Variants in MYRFL observed in about 807,000 individuals in gnomAD.
MYRFL encodes the protein myelin regulatory factor like.
A neutral mutation model predicts 109.4 loss-of-function variants in MYRFL; 88 were observed. The ratio of observed to expected loss-of-function variants is 0.80; its 90% CI spans 0.68 to 0.96. MYRFL has a LOEUF of 0.96. Ranked by LOEUF, MYRFL falls within the 40% of genes least tolerant of loss-of-function variation. The pLI, the probability that MYRFL is intolerant of heterozygous loss-of-function variation, is 0.00. For missense variants in MYRFL, 957 were observed against 954.9 expected, an observed-to-expected ratio of 1.00 and a Z score of -0.03; for synonymous variants, 324 against 320.9, an observed-to-expected ratio of 1.01 and a Z score of -0.10.
intron 13 of MYRFL, among the ~76,000 whole-genome samples, chr12:69,922,373 G>A (rs1016621127): frequency 3.3e-5 from 5 of 152,066 alleles, no homozygotes; most frequent in Non-Finnish European, 7.4e-5. Flanking sequence ...AGGAAAACCT[G>A]TACCAGGATT....
chr12:69,846,324 A>T (rs895000201), intron 1 of MYRFL, among the ~76,000 whole-genome samples: 33 of 150,548 alleles, frequency 2.2e-4, no homozygotes, highest in African/African-American at 9.8e-5. Context: ...TATCTCCTAA[A>T]GCTATCCCTC....
In MYRFL at chr12:69,879,428, C is replaced by T. The variant is rs780824743; in HGVS notation, c.439C>T (p.Gln147Ter). Residue 147 changes from glutamine to a stop codon, truncating the protein, a stop_gained, in exon 4 of 25, where the codon CAG (glutamine) becomes TAG (stop). Transcript: ENST00000552032. LOFTEE classifies it high-confidence loss of function. ...TCTGGGGATAGGTTGTTCTTACCCT[C>T]AGCAGCCTCTGTGTCACAGCCCTGG... ...SHLGIGCSYP[Q>*]QPLCHSPGAS... 1.4e-6 allele frequency: 1 copy of T among 702,696 alleles called. No homozygotes were observed. The highest frequency in any genetic ancestry group is 1.5e-5 in the South Asian group (1 of 67,578). The allele number at this position is 702,696 out of a possible 1,614,324, so 43.5% of individuals were successfully genotyped here.
intron 2 of MYRFL, among the ~76,000 whole-genome samples, chr12:69,865,983 A>G (rs1478898249): frequency 6.6e-6 from 1 of 152,148 alleles, no homozygotes; most frequent in Non-Finnish European, 1.5e-5. Context: ...CCAAATAGGT[A>G]TATTATCTGT....
chr12:69,860,734 CT>C (rs1160896103), intron 2 of MYRFL, among the ~76,000 whole-genome samples: 3 of 151,650 alleles, frequency 2.0e-5, no homozygotes, highest in Admixed American at 6.6e-5. Context: ...GATTTATTTT[CT>C]TTTTTTATTT....
intron 5 of MYRFL, among the ~76,000 whole-genome samples, chr12:69,880,990 C>T (rs1436443055): frequency 5.5e-5 from 6 of 109,462 alleles, no homozygotes; most frequent in Non-Finnish European, 1.1e-4. Context: ...ACGTGTAACA[C>T]ATCATGTTTT....
intron 5 of MYRFL, among the ~76,000 whole-genome samples, chr12:69,882,946 T>G (rs1355080672): frequency 1.3e-5 from 2 of 152,252 alleles, no homozygotes; most frequent in African/African-American, 4.8e-5. Context: ...CTTATTTTTC[T>G]TGATTATGAA....
Position 69,905,683 on chromosome 12 carries a change from C to G in MYRFL, c.1383+1839C>G, listed in dbSNP as rs78850463. ...TATTTTTTAGCCAGACAAGTCTAAG[C>G]AAAGAGAAATTATTTTCTATTTATA... On this transcript the variant is annotated intron_variant, in intron 11 of 24. Coordinates refer to ENST00000552032, the MANE Select transcript of MYRFL (RefSeq NM_182530.3). 2.4e-3 allele frequency among the ~76,000 whole-genome samples: 363 copies of G among 152,110 alleles called. 1 individual carries two copies. The highest frequency in any genetic ancestry group is 3.9e-3 in the Non-Finnish European group (268 of 67,980).
Position 69,958,621 on chromosome 12 carries a change from C to T in MYRFL, c.*90C>T. On this transcript the variant is annotated 3_prime_UTR_variant, in exon 25 of 25. Transcript: ENST00000552032. ...ATCCTCTTGCAACTTCTTTTTTCTT[C>T]TTTGTAAAACATTTACGTTTATTGC... 1 of 960,174 alleles carries T rather than the reference C, an allele frequency of 1.0e-6. No individual in the cohort carries two copies. The highest frequency in any genetic ancestry group is 1.5e-6 in the Non-Finnish European group (1 of 659,266). The allele number at this position is 960,174 out of a possible 1,614,324, so 59.5% of individuals were successfully genotyped here.
intron 13 of MYRFL, among the ~76,000 whole-genome samples, chr12:69,914,125 G>A (rs1954661743): frequency 6.6e-6 from 1 of 151,950 alleles, no homozygotes; most frequent in Non-Finnish European, 1.5e-5. Flanking sequence ...TAGAAATGCA[G>A]CTAATTTTTG....
Position 69,891,148 on chromosome 12 carries a change from G to A in MYRFL, c.885G>A (p.Leu295=). Reference sequence around the variant, plus strand: ...TAAAGCCAATAGAAATGTTTTACTTGAAAGTTTTTGGCACTAAGGTATGTC... The same window carrying A: ...TAAAGCCAATAGAAATGTTTTACTTAAAAGTTTTTGGCACTAAGGTATGTC... The part of the protein sequence containing the change: ...MGLKPIEMFY[L]KVFGTKVEAT... Residue 295 remains leucine, a synonymous_variant, in exon 7 of 25, where the codon TTG becomes TTA. Transcript: ENST00000552032. 2.0e-6 allele frequency: 3 copies of A among 1,517,406 alleles called. No homozygotes were observed. The highest frequency in any genetic ancestry group is 2.6e-6 in the Non-Finnish European group (3 of 1,139,838). 94.0% of individuals were successfully genotyped at this position (1,517,406 alleles called of 1,614,324 possible). A position where few individuals can be genotyped will look rare whatever the true frequency, so the allele number is the denominator to read the frequency against.
intron 1 of MYRFL, 115 bp from the exon 2 acceptor site, chr12:69,855,164 CT>C (rs1315315309): frequency 5.6e-6 from 3 of 533,498 alleles, no homozygotes; most frequent in Non-Finnish European, 1.0e-5. Context: ...GCTGTTGATC[CT>C]TGTGGATACA....
At chr12:69,955,827 T>C in intron 22 of MYRFL, among the ~76,000 whole-genome samples, 1 of 143,598 alleles carries the variant, frequency 7.0e-6, no homozygotes, top group African/African-American at 2.6e-5. Context: ...CAGACACCAC[T>C]CCTATTTTCC....
intron 2 of MYRFL, among the ~76,000 whole-genome samples, chr12:69,870,778 C>G (rs1378325933): frequency 1.3e-5 from 2 of 152,182 alleles, no homozygotes; most frequent in Non-Finnish European, 2.9e-5. Flanking sequence ...GGGGAAGGAA[C>G]TCTAAAGACA....
chr12:69,922,581 G>A (rs1954948139), intron 13 of MYRFL, among the ~76,000 whole-genome samples: 1 of 151,850 alleles, frequency 6.6e-6, no homozygotes, highest in East Asian at 1.9e-4. Context: ...ACTCACCAGC[G>A]ACCCTCTTCC....
At position 69,929,205 on chromosome 12, in the gene MYRFL, G is replaced by A. The variant is rs75590592; in HGVS notation, c.1830+1457G>A. Among the ~76,000 whole-genome samples, 361 of 152,290 alleles carry A rather than the reference G, an allele frequency of 2.4e-3. 5 individuals carry two copies. The East Asian group carries it at 0.041, about 17-fold the overall frequency. On this transcript the variant is annotated intron_variant, in intron 15 of 24. Coordinates refer to ENST00000552032, the MANE Select transcript of MYRFL (RefSeq NM_182530.3). ...TGGGTATGTGGGTGGGGTGTAAGCT[G>A]TGGTGCGGTCCCAGGGTCAGGGACT...
At position 69,926,731 on chromosome 12, in the gene MYRFL, TCAGGTACGTGCAGC is replaced by T. The variant is rs1193392108; in HGVS notation, c.1766+2_1766+15del. ...TCATCAGCCAGTGAAGCAAGCACAA[TCAGGTACGTGCAGC>T]CAGGATTGCCATAGAAATTTGGGGA... On this transcript the variant is annotated splice_donor_variant and splice_donor_5th_base_variant and coding_sequence_variant and intron_variant, in exon 14 of 25. Coordinates refer to ENST00000552032, the MANE Select transcript of MYRFL (RefSeq NM_182530.3). LOFTEE classifies it high-confidence loss of function. 1 of 1,485,204 alleles carries T rather than the reference TCAGGTACGTGCAGC, an allele frequency of 6.7e-7. No homozygotes were observed. The highest frequency in any genetic ancestry group is 2.2e-5 in the Admixed American group (1 of 46,154). 92.0% of individuals were successfully genotyped at this position (1,485,204 alleles called of 1,614,324 possible). A position where few individuals can be genotyped will look rare whatever the true frequency, so the allele number is the denominator to read the frequency against.
rs768024261 is a variant in MYRFL at position 69,879,044 on chromosome 12, G to C, written c.154G>C (p.Asp52His). Reference protein sequence around the residue: ...DLGALQRQLPDTPPYSASDSC... With the variant: ...DLGALQRQLPHTPPYSASDSC... ...AATCTTCAGGCAACGCCAGCTCCCA[G>C]ACACCCCGCCCTATTCTGCATCCGA... Residue 52 changes from aspartate (D) to histidine (H), a missense_variant, in exon 3 of 25, where the codon GAC becomes CAC. Physicochemically the swap from Asp to His is moderately conservative, Grantham distance 81. Transcript: ENST00000552032. 1.4e-6 allele frequency: 1 copy of C among 702,940 alleles called. No individual in the cohort carries two copies. Among genetic ancestry groups the C allele is most frequent in the South Asian group, 1.5e-5 (1 of 67,596 alleles). 43.5% of individuals were successfully genotyped at this position (702,940 alleles called of 1,614,324 possible).
At chr12:69,938,885 C>G (rs112217654) in intron 19 of MYRFL, among the ~76,000 whole-genome samples, 2,136 of 152,224 alleles carry the variant, frequency 0.014, 58 homozygotes, top group African/African-American at 0.049. Flanking sequence ...ACCCGGGAAG[C>G]GCAGGGTTCA....
chr12:69,831,078 AG>A (rs765009601), intron 1 of MYRFL, among the ~76,000 whole-genome samples: 30 of 152,174 alleles, frequency 2.0e-4, no homozygotes, highest in Non-Finnish European at 3.4e-4. Context: ...AACTGTGTTC[AG>A]TTTGGTGTGT....
Sources: gnomAD v4.1 joint callset for allele counts (sites outside exome capture counted in the v4.1 genomes callset) on GRCh38, gnomAD v4.1.1 for gene constraint, MANE v1.5 for transcripts, NCBI Gene and HGNC (gene_info 2026-07-23, HGNC 2026-07-21) for gene names.